Variants in VPS8 observed in about 807,000 individuals in gnomAD.
VPS8 encodes vacuolar protein sorting-associated protein 8 homolog.
Under a neutral mutation model 216.4 loss-of-function variants are expected in VPS8, and 129 were observed. The observed-to-expected ratio is 0.60, with a 90% CI of 0.52 to 0.69. The LOEUF (loss-of-function observed/expected upper bound fraction) is 0.69, where lower values mean the gene tolerates loss of function less well. VPS8 is among the 30% of genes least tolerant of loss of function. VPS8 has a pLI of 0.00. For synonymous variants in VPS8, 571 were observed against 565.4 expected (o/e 1.01, Z -0.14); for missense variants, 1,531 against 1,683.5 (o/e 0.91, Z 1.59).
chr3:185,029,848 G>A (rs1167192050), intron 46 of VPS8, among the ~76,000 whole-genome samples: 3 of 152,194 alleles, frequency 2.0e-5, no homozygotes, highest in African/African-American at 7.2e-5. Context: ...ACAGGCGTGA[G>A]CTACCACGCC....
At chr3:184,864,919 CATA>C (rs983112525) in intron 16 of VPS8, among the ~76,000 whole-genome samples, 2 of 152,022 alleles carry the variant, frequency 1.3e-5, no homozygotes, top group Non-Finnish European at 2.9e-5. Flanking sequence ...CAGACAAAGA[CATA>C]GTAGTTATTA....
intron 40 of VPS8, among the ~76,000 whole-genome samples, chr3:184,973,432 TA>T (rs141430453): frequency 0.018 from 2,748 of 152,286 alleles, 93 homozygotes; most frequent in African/African-American, 0.064. Context: ...AATTGATGCA[TA>T]ATAATTATAC....
At chr3:184,827,963 G>C (rs1361558814) in intron 3 of VPS8, among the ~76,000 whole-genome samples, 1 of 152,160 alleles carries the variant, frequency 6.6e-6, no homozygotes, top group East Asian at 1.9e-4. Flanking sequence ...AGACGATAAG[G>C]GGGCTGTGGG....
chr3:184,890,395 T>G (rs967681532), intron 22 of VPS8, among the ~76,000 whole-genome samples: 10 of 152,166 alleles, frequency 6.6e-5, no homozygotes, highest in Non-Finnish European at 7.4e-5. Flanking sequence ...TCCTTTTATA[T>G]TAATGTCTTC....
At chr3:185,041,361 G>A (rs1394565606) in intron 46 of VPS8, among the ~76,000 whole-genome samples, 1 of 151,934 alleles carries the variant, frequency 6.6e-6, no homozygotes, top group Non-Finnish European at 1.5e-5. Flanking sequence ...GTAGTTGTCT[G>A]TTCCCACTCA....
intron 6 of VPS8, chr3:184,838,966 G>A (rs1721615466): frequency 6.6e-6 from 3 of 455,232 alleles, no homozygotes; most frequent in African/African-American, 2.1e-5. Context: ...AGCAGATAAT[G>A]GAGTAATATT....
rs1469258260 is a variant in VPS8, at chr3:184,983,070, A to G, written c.3561A>G (p.Pro1187=). The G allele has an allele frequency of 1.2e-6, 2 of 1,609,574 alleles. No homozygotes were observed. Among genetic ancestry groups the G allele is most frequent in the Admixed American group, 1.7e-5 (1 of 59,760 alleles). ...GCATGGCAGCATTTATTGCCCTTCC[A>G]TCAATCTTGCAAAGAATCTTACAGG... ...LNSMAAFIAL[P]SILQRILQDP... is the part of the protein sequence containing the mutation. Residue 1187 remains proline, a synonymous_variant, in exon 42 of 48, where the codon CCA becomes CCG. Transcript: ENST00000625842.
At chr3:184,950,057 G>C (rs1326009876) in intron 36 of VPS8, among the ~76,000 whole-genome samples, 1 of 151,240 alleles carries the variant, frequency 6.6e-6, no homozygotes, top group Non-Finnish European at 1.5e-5. Flanking sequence ...TTACAGGTAC[G>C]CACCACCACG....
chr3:184,882,642 T>C lies in VPS8; in HGVS notation c.1735-3468T>C, dbSNP rs752233762. Among the ~76,000 whole-genome samples, 117 of 152,266 alleles carry C rather than the reference T, an allele frequency of 7.7e-4. 1 individual carries two copies. The highest frequency in any genetic ancestry group is 1.4e-3 in the Non-Finnish European group (97 of 67,974). The stretch of plus-strand genomic sequence containing the variant: ...AGGGATTGTATAGGATTTGTTTTCA[T>C]ACTTTTTAAATGTTTGGTACAATTC... On this transcript the variant is annotated intron_variant, in intron 21 of 47. Coordinates refer to ENST00000625842, the MANE Select transcript of VPS8 (RefSeq NM_001009921.3).
intron 44 of VPS8, among the ~76,000 whole-genome samples, chr3:184,997,151 A>G (rs1167199381): frequency 1.3e-5 from 2 of 152,210 alleles, no homozygotes; most frequent in South Asian, 2.1e-4. Context: ...TTTAAGCTAC[A>G]TTGCAAAGAG....
chr3:185,036,069 T>G (rs1300717622), intron 46 of VPS8, among the ~76,000 whole-genome samples: 1 of 152,084 alleles, frequency 6.6e-6, no homozygotes, highest in Middle Eastern at 3.2e-3. Context: ...CCAAGATATC[T>G]TCTACAAGGA....
Position 184,834,655 on chromosome 3 carries a change from G to T in VPS8, c.360G>T (p.Lys120Asn). The stretch of plus-strand genomic sequence containing the variant: ...TTTTCTTTTTTTTTTTCAGGAAGAA[G>T]AAATTACCTGATTCTTTTTCACTTC... Reference protein sequence around the residue: ...SGDRTNLKRKKKLPDSFSLHG... With the variant: ...SGDRTNLKRKNKLPDSFSLHG... The change falls in exon 5 of 48, where the codon AAG (lysine) becomes AAT (asparagine). Residue 120 changes from lysine to asparagine, a missense_variant. Physicochemically the swap from Lys to Asn is moderately conservative, Grantham distance 94 (BLOSUM62 0). This residue lies in a region of VPS8 where 199 missense variants were observed against 182.2 expected (regional missense o/e 1.09). Transcript: ENST00000625842. 1.3e-6 allele frequency: 2 copies of T among 1,526,260 alleles called. No individual in the cohort carries two copies. Among genetic ancestry groups the T allele is most frequent in the Non-Finnish European group, 1.8e-6 (2 of 1,136,200 alleles). 94.5% of individuals were successfully genotyped at this position (1,526,260 alleles called of 1,614,324 possible). A position where few individuals can be genotyped will look rare whatever the true frequency, so the allele number is the denominator to read the frequency against.
intron 46 of VPS8, among the ~76,000 whole-genome samples, chr3:185,041,926 C>T (rs1364121550): frequency 1.3e-5 from 2 of 152,162 alleles, no homozygotes; most frequent in African/African-American, 4.8e-5. Context: ...CAGTGGGACT[C>T]TCCATTGGCT....
chr3:185,030,170 C>G (rs1757919132), intron 46 of VPS8, among the ~76,000 whole-genome samples: 1 of 152,156 alleles, frequency 6.6e-6, no homozygotes, highest in Non-Finnish European at 1.5e-5. Context: ...CAGGTGTTGA[C>G]AACGTTTAAG....
chr3:184,849,794 C>T (rs1723911128), intron 9 of VPS8, 142 bp from the exon 10 acceptor site: 2 of 668,300 alleles, frequency 3.0e-6, no homozygotes, highest in Non-Finnish European at 5.3e-6. Flanking sequence ...GGATCTGCAA[C>T]CTTTAGGTAT....
chr3:184,848,452 A>G (rs1256263003), intron 8 of VPS8, among the ~76,000 whole-genome samples: 1 of 151,580 alleles, frequency 6.6e-6, no homozygotes, highest in East Asian at 1.9e-4. Flanking sequence ...CAATTCTAGG[A>G]TGAGACAGGT....
At chr3:184,920,060 T>G in intron 28 of VPS8, 67 bp from the exon 29 acceptor site, 2 of 1,118,278 alleles carry the variant, frequency 1.8e-6, no homozygotes, top group Non-Finnish European at 2.5e-6. Context: ...AACAAGAATT[T>G]AATAACTTGT....
rs759864251 is a variant in VPS8 at position 184,868,058 on chromosome 3, A to T, written c.1505A>T (p.Glu502Val). ...GTGATGATGCTGAGGAGCTGGAGAG[A>T]GGTGAGTTCCAAGTAATTTCACATG... The part of the protein sequence containing the change: ...VYVMMLRSWR[E>V]RVDHLLKQDC... The change falls in exon 18 of 48, where the codon GAG becomes GTG. Residue 502 changes from glutamate to valine, a missense_variant and splice_region_variant. By Grantham distance (121) the Glu-to-Val change is moderately radical. Transcript: ENST00000625842. 1.2e-6 allele frequency: 2 copies of T among 1,612,826 alleles called. No homozygotes were observed. Among genetic ancestry groups the T allele is most frequent in the South Asian group, 2.2e-5 (2 of 90,986 alleles).
intron 10 of VPS8, among the ~76,000 whole-genome samples, chr3:184,851,992 G>A (rs922601569): frequency 1.3e-5 from 2 of 152,200 alleles, no homozygotes; most frequent in Admixed American, 6.5e-5. Flanking sequence ...GAGGTAGCAC[G>A]TTTTGGGAAG....
Sources: allele counts gnomAD v4.1 joint callset (sites outside exome capture counted in the v4.1 genomes callset), GRCh38; gene constraint gnomAD v4.1.1; regional missense constraint gnomAD v4.1.1; transcripts MANE v1.5; gene names NCBI Gene and HGNC (gene_info 2026-07-23, HGNC 2026-07-21).